CCDC127: variants seen among roughly 807,000 people sequenced by gnomAD.
CCDC127 encodes the protein coiled-coil domain containing 127.
CCDC127 carries 2 observed loss-of-function variants against 4.1 expected under a neutral mutation model. That is an observed-to-expected ratio of 0.49 (90% CI 0.20 to 1.53). CCDC127 has a LOEUF of 1.53. Ranked by LOEUF, CCDC127 falls within the 40% of genes most tolerant of loss-of-function variation. The probability of loss-of-function intolerance (pLI) is 0.23; values close to 1 mark genes in which losing one functional copy is unlikely to be tolerated. For synonymous variants in CCDC127, 98 were observed against 120.4 expected, an observed-to-expected ratio of 0.81 and a Z score of 1.22; for missense variants, 271 against 322.9, an observed-to-expected ratio of 0.84 and a Z score of 1.23.
chr5:206,187 T>C lies in CCDC127; in HGVS notation c.122-229A>G, dbSNP rs529646827. On this transcript the variant is annotated intron_variant, in intron 2 of 2. Transcript: ENST00000296824. Reference sequence around the variant, plus strand: ...GACCCTAACCCTAGCCCTTTCCGTCTTCTAACTGTTTGTTGCTAAGAAGAT... The same window carrying C: ...GACCCTAACCCTAGCCCTTTCCGTCCTCTAACTGTTTGTTGCTAAGAAGAT... 1.6e-4 allele frequency among the ~76,000 whole-genome samples: 14 copies of C among 90,012 alleles called. No individual in the cohort carries two copies. In the South Asian group the frequency reaches 3.7e-3, roughly 24 times the overall value. The allele number at this position is 90,012 out of a possible 152,430, so 59.1% of individuals were successfully genotyped here.
Position 198,835 on chromosome 5 carries a change from T to C in CCDC127, c.*6462A>G, listed in dbSNP as rs1734016853. Reference sequence around the variant, plus strand: ...CAGGAGCACGCCTGCTGGGTTTTTATGGAGAGCACTTCTCTACCGCAGAAA... The same window carrying C: ...CAGGAGCACGCCTGCTGGGTTTTTACGGAGAGCACTTCTCTACCGCAGAAA... On this transcript the variant is annotated 3_prime_UTR_variant, in exon 3 of 3. Transcript: ENST00000296824. 6.6e-6 allele frequency: 1 copy of C among 152,284 alleles called. No homozygotes were observed. The highest frequency in any genetic ancestry group is 2.1e-4 in the South Asian group (1 of 4,834). 9.4% of individuals were successfully genotyped at this position (152,284 alleles called of 1,614,324 possible). A position where few individuals can be genotyped will look rare whatever the true frequency, so the allele number is the denominator to read the frequency against.
chr5:211,177 C>T (rs1269038142), intron 2 of CCDC127, among the ~76,000 whole-genome samples: 2 of 119,120 alleles, frequency 1.7e-5, no homozygotes, highest in South Asian at 2.9e-4. Flanking sequence ...ATGGGGCAGA[C>T]GGGACAGCAG....
intron 1 of CCDC127, chr5:217,156 G>T (rs113507898): frequency 6.1e-6 from 1 of 163,628 alleles, no homozygotes. Context: ...AAAGAAAAAG[G>T]AAAAAAAAAA....
chr5:205,052 C>G lies in CCDC127; in HGVS notation c.*245G>C, dbSNP rs759849566. On this transcript the variant is annotated 3_prime_UTR_variant, in exon 3 of 3. Transcript: ENST00000296824. ...TTATACTGTTCTGCTTAATACAATACTGGCAGCCTAAAAATGCTTCAAGAA... is the reference window on the plus strand; with the variant it reads ...TTATACTGTTCTGCTTAATACAATAGTGGCAGCCTAAAAATGCTTCAAGAA... The G allele has an allele frequency of 3.5e-5, 17 of 488,628 alleles. No homozygotes were observed. The highest frequency in any genetic ancestry group is 7.4e-5 in the Admixed American group (2 of 26,944). The allele number at this position is 488,628 out of a possible 1,614,324, so 30.3% of individuals were successfully genotyped here.
At position 205,960 on chromosome 5, in the gene CCDC127, T is replaced by C. The variant is rs374774826; in HGVS notation, c.122-2A>G. The C allele has an allele frequency of 4.4e-6, 7 of 1,589,808 alleles. No individual in the cohort carries two copies. The highest frequency in any genetic ancestry group is 1.1e-5 in the South Asian group (1 of 87,288). Reference sequence around the variant, plus strand: ...GGGACTCCCTAGACCAAATCCAACCTGACATGAATGAAGAAAAATACACAT... The same window carrying C: ...GGGACTCCCTAGACCAAATCCAACCCGACATGAATGAAGAAAAATACACAT... On this transcript the variant is annotated splice_acceptor_variant, in intron 2 of 2. Transcript: ENST00000296824. LOFTEE classifies it high-confidence loss of function.
Position 205,646 on chromosome 5 carries a change from A to G in CCDC127, c.434T>C (p.Leu145Pro), listed in dbSNP as rs1396163711. Residue 145 changes from leucine (L) to proline (P), a missense_variant, in exon 3 of 3, where the codon CTG becomes CCG. Leu to Pro is a moderately conservative substitution (Grantham distance 98). Coordinates refer to ENST00000296824, the MANE Select transcript of CCDC127 (RefSeq NM_145265.3). The stretch of plus-strand genomic sequence containing the variant: ...CCTTTGCCAGTTTTCTTCCCTTTGC[A>G]GGCAGCTCAAATACGCACTTCTCAA... ...QPLRSAYLSC[L>P]QREENWQRRA... 6.2e-7 allele frequency: 1 copy of G among 1,614,178 alleles called. No homozygotes were observed. The highest frequency in any genetic ancestry group is 1.7e-5 in the Admixed American group (1 of 60,018).
At chr5:211,036 C>A (rs2126510043) in intron 2 of CCDC127, among the ~76,000 whole-genome samples, 2 of 74,388 alleles carry the variant, frequency 2.7e-5, no homozygotes, top group Non-Finnish European at 5.1e-5. Context: ...CTCGACATCA[C>A]ACACTGCAGC....
rs763770700 is a variant in CCDC127, at chr5:205,429, T to C, written c.651A>G (p.Thr217=). ...TGGTGTTCCAGACATCACCACAGTA[T>C]GTATCATGCTGAAATATGTCGGTGA... ...AGLTDIFQHD[T]YCGDVWNTNK... The change falls in exon 3 of 3, where the codon ACA becomes ACG. Residue 217 remains threonine, a synonymous_variant. Transcript: ENST00000296824. 7.4e-6 allele frequency: 12 copies of C among 1,614,126 alleles called. No homozygotes were observed.
At position 205,748 on chromosome 5, in the gene CCDC127, C is replaced by G. The variant is rs751645944; in HGVS notation, c.332G>C (p.Arg111Pro). The G allele has an allele frequency of 6.2e-7, 1 of 1,614,152 alleles. No individual in the cohort carries two copies. Among genetic ancestry groups the G allele is most frequent in the South Asian group, 1.1e-5 (1 of 91,076 alleles). ...AAGCTTCTTTTCTTCTACCAACTTG[C>G]GTCCCTGAGAGATAAGGGCTTCTCG... ...SYREALISQG[R>P]KLVEEKKLLE... Residue 111 changes from arginine to proline, a missense_variant, in exon 3 of 3, where the codon CGC becomes CCC. By Grantham distance (103) the Arg-to-Pro change is moderately radical. Coordinates refer to ENST00000296824, the MANE Select transcript of CCDC127 (RefSeq NM_145265.3).
At chr5:206,294 G>T (rs2126505241) in intron 2 of CCDC127, among the ~76,000 whole-genome samples, 1 of 150,570 alleles carries the variant, frequency 6.6e-6, no homozygotes, top group African/African-American at 2.5e-5. Context: ...CCGTTGGCCA[G>T]GTTCTTATAA....
rs1733977597 is a variant in CCDC127, at chr5:197,311, G to A, written c.*7986C>T. The A allele has an allele frequency of 6.6e-6, 1 of 152,208 alleles. No homozygotes were observed. Among genetic ancestry groups the A allele is most frequent in the Admixed American group, 6.5e-5 (1 of 15,280 alleles). The allele number at this position is 152,208 out of a possible 1,614,324, so 9.4% of individuals were successfully genotyped here. A position where few individuals can be genotyped will look rare whatever the true frequency, so the allele number is the denominator to read the frequency against. The stretch of plus-strand genomic sequence containing the variant: ...GGACTTCTCTCTCTCAACTGCAAGA[G>A]GCTTTCGTCTTTTACTAACCCATGT... On this transcript the variant is annotated 3_prime_UTR_variant, in exon 3 of 3. Transcript: ENST00000296824.
In CCDC127 at chr5:202,514, G is replaced by C. The variant is rs1734091379; in HGVS notation, c.*2783C>G. The C allele has an allele frequency of 6.6e-6, 1 of 152,282 alleles. No homozygotes were observed. Among genetic ancestry groups the C allele is most frequent in the Non-Finnish European group, 1.5e-5 (1 of 68,098 alleles). 9.4% of individuals were successfully genotyped at this position (152,282 alleles called of 1,614,324 possible). On this transcript the variant is annotated 3_prime_UTR_variant, in exon 3 of 3. Transcript: ENST00000296824. Reference sequence around the variant, plus strand: ...GCAGGCAAACTACTCGAACCCGGGAGGCAGAGCTTGCAGTGAGGCGAGATT... The same window carrying C: ...GCAGGCAAACTACTCGAACCCGGGACGCAGAGCTTGCAGTGAGGCGAGATT...
rs537076752 is a variant in CCDC127, at chr5:199,215, TG to T, written c.*6081del. On this transcript the variant is annotated 3_prime_UTR_variant, in exon 3 of 3. Transcript: ENST00000296824. ...CCAACTCAAGTCCTTCCTGGCTTAA[TG>T]ACTTGTTCCACAGGTCAGGAAATGA... The T allele has an allele frequency of 5.2e-5, 8 of 152,596 alleles. No homozygotes were observed. The highest frequency in any genetic ancestry group is 1.2e-4 in the Non-Finnish European group (8 of 68,292). The allele number at this position is 152,596 out of a possible 1,614,324, so 9.5% of individuals were successfully genotyped here. A position where few individuals can be genotyped will look rare whatever the true frequency, so the allele number is the denominator to read the frequency against.
Position 197,471 on chromosome 5 carries a change from C to G in CCDC127, c.*7826G>C, listed in dbSNP as rs1733985359. 6.6e-6 allele frequency: 1 copy of G among 152,254 alleles called. No individual in the cohort carries two copies. The highest frequency in any genetic ancestry group is 2.4e-5 in the African/African-American group (1 of 41,454). The allele number at this position is 152,254 out of a possible 1,614,324, so 9.4% of individuals were successfully genotyped here. On this transcript the variant is annotated 3_prime_UTR_variant, in exon 3 of 3. Transcript: ENST00000296824. ...CTTTCAAGGGCAGAGGTCCCTGCGG[C>G]TTTCCGCAGTGCATTGTGCCTCTGG...
rs1469875995 is a variant in CCDC127 at position 201,758 on chromosome 5, A to C, written c.*3539T>G. Reference sequence around the variant, plus strand: ...TGAAGCAAGCGAAATTAGAAAGTACAATCTCAACCCCTCCCCGCAAAAGTC... The same window carrying C: ...TGAAGCAAGCGAAATTAGAAAGTACCATCTCAACCCCTCCCCGCAAAAGTC... On this transcript the variant is annotated 3_prime_UTR_variant, in exon 3 of 3. Coordinates refer to ENST00000296824, the MANE Select transcript of CCDC127 (RefSeq NM_145265.3). The C allele has an allele frequency of 6.6e-6, 1 of 152,176 alleles. No homozygotes were observed. The highest frequency in any genetic ancestry group is 1.9e-4 in the East Asian group (1 of 5,188). 9.4% of individuals were successfully genotyped at this position (152,176 alleles called of 1,614,324 possible).
At position 196,983 on chromosome 5, in the gene CCDC127, A is replaced by G. The variant is rs779409675; in HGVS notation, c.*8314T>C. 7.3e-5 allele frequency: 11 copies of G among 150,746 alleles called. No individual in the cohort carries two copies. The highest frequency in any genetic ancestry group is 1.6e-4 in the Non-Finnish European group (11 of 67,796). The allele number at this position is 150,746 out of a possible 1,614,324, so 9.3% of individuals were successfully genotyped here. ...TTATTATTTTCATTATTTCAGCAAA[A>G]AGGAATGTAGTAGGAGAGCAGGGTG... On this transcript the variant is annotated 3_prime_UTR_variant, in exon 3 of 3. Transcript: ENST00000296824.
Position 200,805 on chromosome 5 carries a change from A to G in CCDC127, c.*4492T>C, listed in dbSNP as rs1560972786. On this transcript the variant is annotated 3_prime_UTR_variant, in exon 3 of 3. Transcript: ENST00000296824. The stretch of plus-strand genomic sequence containing the variant: ...TATAAAACCCAGCGCAGTTACTCAC[A>G]CAAGTCAAGGCAGACGGAGCAAGCC... 1 of 152,280 alleles carries G rather than the reference A, an allele frequency of 6.6e-6. No individual in the cohort carries two copies. 9.4% of individuals were successfully genotyped at this position (152,280 alleles called of 1,614,324 possible).
rs1049359913 is a variant in CCDC127, at chr5:196,921, T to A, written c.*8376A>T. On this transcript the variant is annotated 3_prime_UTR_variant, in exon 3 of 3. Transcript: ENST00000296824. ...ACCGGCGCTCAGCATACCAAGGACC[T>A]GCACTGGCACCGGCCTCTGAGTTCC... 7.0e-6 allele frequency: 1 copy of A among 141,904 alleles called. No homozygotes were observed. Among genetic ancestry groups the A allele is most frequent in the African/African-American group, 2.6e-5 (1 of 38,960 alleles). 8.8% of individuals were successfully genotyped at this position (141,904 alleles called of 1,614,324 possible). A position where few individuals can be genotyped will look rare whatever the true frequency, so the allele number is the denominator to read the frequency against.
chr5:218,007 T>G, intron 1 of CCDC127, 86 bp downstream of exon 1: 1 of 821,564 alleles, frequency 1.2e-6, no homozygotes, highest in Non-Finnish European at 1.5e-6. Context: ...GTTCAGGCCC[T>G]TCGGTCTGGG....
Sources: allele counts gnomAD v4.1 joint callset (sites outside exome capture counted in the v4.1 genomes callset), GRCh38; gene constraint gnomAD v4.1.1; transcripts MANE v1.5; gene names NCBI Gene and HGNC (gene_info 2026-07-23, HGNC 2026-07-21).